FSBP: variants seen among roughly 807,000 people sequenced by gnomAD.
The protein encoded by FSBP is fibrinogen silencer binding protein.
In FSBP, 18 loss-of-function variants were observed where a neutral mutation model predicts 24.6. The observed-to-expected ratio is 0.73, with a 90% CI of 0.51 to 1.08. FSBP has a LOEUF of 1.08. FSBP is among the 50% of genes least tolerant of loss of function. FSBP has a pLI of 0.00. For missense variants in FSBP, 305 were observed against 347.6 expected, an observed-to-expected ratio of 0.88 and a Z score of 0.98; for synonymous variants, 110 against 125.8, an observed-to-expected ratio of 0.87 and a Z score of 0.84.
chr8:94,429,057 A>G lies in FSBP; in HGVS notation c.*3074T>C, dbSNP rs1343626254. ...TATGCATTTAAACTTTTGCAAATTA[A>G]AAGTAAACAAGACTGACTTGGAGAA... is the stretch of plus-strand genomic sequence containing the variant. On this transcript the variant is annotated 3_prime_UTR_variant, in exon 2 of 2. Coordinates refer to ENST00000481490, the MANE Select transcript of FSBP (RefSeq NM_001256141.2). 6.1e-6 allele frequency: 6 copies of G among 985,222 alleles called. No homozygotes were observed. Among genetic ancestry groups the G allele is most frequent in the Non-Finnish European group, 7.2e-6 (6 of 829,842 alleles). 61.0% of individuals were successfully genotyped at this position (985,222 alleles called of 1,614,324 possible).
Position 94,428,821 on chromosome 8 carries a change from G to C in FSBP, c.*3310C>G. On this transcript the variant is annotated 3_prime_UTR_variant, in exon 2 of 2. Coordinates refer to ENST00000481490, the MANE Select transcript of FSBP (RefSeq NM_001256141.2). ...AAAAACTGCTAATGTTAGTTGGTAA[G>C]TAGTCCCCTAACTCAAAAAAGTCTC... 4 of 984,836 alleles carry C rather than the reference G, an allele frequency of 4.1e-6. No individual in the cohort carries two copies. In the South Asian group the frequency reaches 1.4e-4, roughly 35 times the overall value. The allele number at this position is 984,836 out of a possible 1,614,324, so 61.0% of individuals were successfully genotyped here.
In FSBP at chr8:94,429,825, C is replaced by T. The variant is rs906472922; in HGVS notation, c.*2306G>A. On this transcript the variant is annotated 3_prime_UTR_variant, in exon 2 of 2. Transcript: ENST00000481490. ...AATCCAACCAATGAAATTAAGTAGT[C>T]AACATGCTAAAATAGTACCTTGAGT... The T allele has an allele frequency of 5.1e-6, 5 of 985,216 alleles. No individual in the cohort carries two copies. The African/African-American group carries it at 8.7e-5, about 17-fold the overall frequency. 61.0% of individuals were successfully genotyped at this position (985,216 alleles called of 1,614,324 possible).
chr8:94,432,299 C>T lies in FSBP; in HGVS notation c.732G>A (p.Gln244=). 1 of 1,550,264 alleles carries T rather than the reference C, an allele frequency of 6.5e-7. No homozygotes were observed. ...AATTTTTTTGATTTTCTAAAATTAT[C>T]TGATGCTCCTCTTTCAACATTTGCA... ...QILQMLKEEH[Q]IILENQKNFG... Residue 244 remains glutamine (Q), a synonymous_variant, in exon 2 of 2, where the codon CAG becomes CAA. Coordinates refer to ENST00000481490, the MANE Select transcript of FSBP (RefSeq NM_001256141.2).
chr8:94,430,388 A>G lies in FSBP; in HGVS notation c.*1743T>C. 2 of 985,076 alleles carry G rather than the reference A, an allele frequency of 2.0e-6. No individual in the cohort carries two copies. Among genetic ancestry groups the G allele is most frequent in the Non-Finnish European group, 2.4e-6 (2 of 829,808 alleles). 61.0% of individuals were successfully genotyped at this position (985,076 alleles called of 1,614,324 possible). On this transcript the variant is annotated 3_prime_UTR_variant, in exon 2 of 2. Transcript: ENST00000481490. Reference sequence around the variant, plus strand: ...CATCCAAATTTATATCCCTCAGTTCACTTTCAACTACTCTTCGACAAAAAT... The same window carrying G: ...CATCCAAATTTATATCCCTCAGTTCGCTTTCAACTACTCTTCGACAAAAAT...
chr8:94,432,986 C>T (rs1295573824), intron 1 of FSBP, among the ~76,000 whole-genome samples: 1 of 152,054 alleles, frequency 6.6e-6, no homozygotes, highest in Non-Finnish European at 1.5e-5. Context: ...TTTCCCACAA[C>T]CCTAAGGTTT....
In FSBP at chr8:94,436,875, T is replaced by C; in HGVS notation, c.-7A>G. The C allele has an allele frequency of 1.3e-6, 2 of 1,504,078 alleles. No individual in the cohort carries two copies. The highest frequency in any genetic ancestry group is 2.3e-5 in the Admixed American group (1 of 42,714). 93.2% of individuals were successfully genotyped at this position (1,504,078 alleles called of 1,614,324 possible). ...ATCTAGCCTTTCCTACCATTGTTCT[T>C]TTCAAATTAAGTAGGCAGTTTCTGA... is the stretch of plus-strand genomic sequence containing the variant. On this transcript the variant is annotated 5_prime_UTR_variant, in exon 1 of 2. Transcript: ENST00000481490.
At chr8:94,433,648 T>C (rs1032523121) in intron 1 of FSBP, among the ~76,000 whole-genome samples, 2 of 151,954 alleles carry the variant, frequency 1.3e-5, no homozygotes, top group African/African-American at 4.8e-5. Flanking sequence ...TTTATAAACA[T>C]AATTTTATGT....
rs887814872 is a variant in FSBP, at chr8:94,436,490, C to T, written c.374+5G>A. Reference sequence around the variant, plus strand: ...TTTTCCATAACAAAACAAAATAAAGCTTACCTTTGTATGTGGTTCCTGTCT... The same window carrying T: ...TTTTCCATAACAAAACAAAATAAAGTTTACCTTTGTATGTGGTTCCTGTCT... On this transcript the variant is annotated splice_donor_5th_base_variant and intron_variant, in intron 1 of 1. Transcript: ENST00000481490. 4.6e-6 allele frequency: 7 copies of T among 1,534,674 alleles called. No homozygotes were observed. Among genetic ancestry groups the T allele is most frequent in the Non-Finnish European group, 5.3e-6 (6 of 1,141,616 alleles).
Position 94,428,835 on chromosome 8 carries a change from C to G in FSBP, c.*3296G>C. 2.0e-6 allele frequency: 2 copies of G among 983,994 alleles called. No homozygotes were observed. Among genetic ancestry groups the G allele is most frequent in the Non-Finnish European group, 2.4e-6 (2 of 829,552 alleles). The allele number at this position is 983,994 out of a possible 1,614,324, so 61.0% of individuals were successfully genotyped here. Reference sequence around the variant, plus strand: ...TTAGTTGGTAAGTAGTCCCCTAACTCAAAAAAGTCTCAATACAAAAAAGAA... The same window carrying G: ...TTAGTTGGTAAGTAGTCCCCTAACTGAAAAAAGTCTCAATACAAAAAAGAA... On this transcript the variant is annotated 3_prime_UTR_variant, in exon 2 of 2. Transcript: ENST00000481490.
chr8:94,430,032 G>A lies in FSBP; in HGVS notation c.*2099C>T. Reference sequence around the variant, plus strand: ...TCTGACTCATTAAAAATAGTATTTAGGCTGGGCACGGTGGCTCAAGCCTGT... The same window carrying A: ...TCTGACTCATTAAAAATAGTATTTAAGCTGGGCACGGTGGCTCAAGCCTGT... On this transcript the variant is annotated 3_prime_UTR_variant, in exon 2 of 2. Transcript: ENST00000481490. 1.0e-6 allele frequency: 1 copy of A among 985,248 alleles called. No homozygotes were observed. The highest frequency in any genetic ancestry group is 1.2e-6 in the Non-Finnish European group (1 of 829,928). The allele number at this position is 985,248 out of a possible 1,614,324, so 61.0% of individuals were successfully genotyped here.
Position 94,430,252 on chromosome 8 carries a change from A to C in FSBP, c.*1879T>G, listed in dbSNP as rs1812056212. 3.7e-6 allele frequency: 3 copies of C among 813,470 alleles called. No homozygotes were observed. The highest frequency in any genetic ancestry group is 1.9e-5 in the African/African-American group (1 of 53,366). The allele number at this position is 813,470 out of a possible 1,614,324, so 50.4% of individuals were successfully genotyped here. ...CTTGAACCCAGGAAACGGAGATTGC[A>C]GTGAGCCAACATCGCACCACTGCAC... On this transcript the variant is annotated 3_prime_UTR_variant, in exon 2 of 2. Transcript: ENST00000481490.
Position 94,430,041 on chromosome 8 carries a change from C to T in FSBP, c.*2090G>A, listed in dbSNP as rs1812047778. ...TTAAAAATAGTATTTAGGCTGGGCA[C>T]GGTGGCTCAAGCCTGTAATCCCAGC... On this transcript the variant is annotated 3_prime_UTR_variant, in exon 2 of 2. Coordinates refer to ENST00000481490, the MANE Select transcript of FSBP (RefSeq NM_001256141.2). 8 of 984,860 alleles carry T rather than the reference C, an allele frequency of 8.1e-6. No individual in the cohort carries two copies. Among genetic ancestry groups the T allele is most frequent in the East Asian group, 1.1e-4 (1 of 8,822 alleles). 61.0% of individuals were successfully genotyped at this position (984,860 alleles called of 1,614,324 possible). A position where few individuals can be genotyped will look rare whatever the true frequency, so the allele number is the denominator to read the frequency against.
Position 94,431,081 on chromosome 8 carries a change from G to C in FSBP, c.*1050C>G, listed in dbSNP as rs904906616. ...AAAATCCCTTCTCAACAAAACCCCA[G>C]CAAAAATAGAAATTCTTAAGTAACA... On this transcript the variant is annotated 3_prime_UTR_variant, in exon 2 of 2. Coordinates refer to ENST00000481490, the MANE Select transcript of FSBP (RefSeq NM_001256141.2). 1 of 984,632 alleles carries C rather than the reference G, an allele frequency of 1.0e-6. No individual in the cohort carries two copies. The highest frequency in any genetic ancestry group is 1.8e-5 in the African/African-American group (1 of 57,022). 61.0% of individuals were successfully genotyped at this position (984,632 alleles called of 1,614,324 possible).
intron 1 of FSBP, among the ~76,000 whole-genome samples, chr8:94,433,516 A>G (rs1209562546): frequency 6.6e-6 from 1 of 152,106 alleles, no homozygotes; most frequent in Non-Finnish European, 1.5e-5. Flanking sequence ...AGGTTTATTA[A>G]ATTTACACAT....
In FSBP at chr8:94,432,162, C is replaced by T. The variant is rs765600713; in HGVS notation, c.869G>A (p.Arg290Gln). Residue 290 changes from arginine (R) to glutamine (Q), a missense_variant, in exon 2 of 2, where the codon CGG becomes CAG. Coordinates refer to ENST00000481490, the MANE Select transcript of FSBP (RefSeq NM_001256141.2). ...ACTGTTATATTCAGGTAGATCATGC[C>T]GTAAGCGAATTGCTTTCAGCTTCTC... ...EVEKLKAIRL[R>Q]HDLPEYNSL is the part of the protein sequence containing the mutation. 2.9e-5 allele frequency: 45 copies of T among 1,549,868 alleles called. 1 individual carries two copies. Among genetic ancestry groups the T allele is most frequent in the South Asian group, 4.8e-5 (4 of 84,026 alleles).
Position 94,432,390 on chromosome 8 carries a change from T to C in FSBP, c.641A>G (p.Asp214Gly), listed in dbSNP as rs1035075997. ...ACCACTCTCATGCCGAAAAAAATCA[T>C]CTCTCCTTGGAATAGAAGATGGAGA... Reference protein sequence around the residue: ...TSSPSSIPRRDDFFRHESGEH... With the variant: ...TSSPSSIPRRGDFFRHESGEH... Residue 214 changes from aspartate (D) to glycine (G), a missense_variant, in exon 2 of 2, where the codon GAT (aspartate) becomes GGT (glycine). Transcript: ENST00000481490. The C allele has an allele frequency of 1.9e-6, 3 of 1,550,404 alleles. No homozygotes were observed. Among genetic ancestry groups the C allele is most frequent in the South Asian group, 1.2e-5 (1 of 84,050 alleles).
In FSBP at chr8:94,431,647, T is replaced by C; in HGVS notation, c.*484A>G. The C allele has an allele frequency of 1.5e-5, 14 of 958,232 alleles. No homozygotes were observed. Among genetic ancestry groups the C allele is most frequent in the Middle Eastern group, 5.4e-4 (1 of 1,852 alleles). The allele number at this position is 958,232 out of a possible 1,614,324, so 59.4% of individuals were successfully genotyped here. A position where few individuals can be genotyped will look rare whatever the true frequency, so the allele number is the denominator to read the frequency against. On this transcript the variant is annotated 3_prime_UTR_variant, in exon 2 of 2. Transcript: ENST00000481490. Reference sequence around the variant, plus strand: ...ATGGAAAAAAAGTGTTCTCCAAATATCTTCCATCTCTAAAATCCTAGGATT... The same window carrying C: ...ATGGAAAAAAAGTGTTCTCCAAATACCTTCCATCTCTAAAATCCTAGGATT...
chr8:94,433,060 G>C (rs1471671383), intron 1 of FSBP, among the ~76,000 whole-genome samples: 2 of 152,028 alleles, frequency 1.3e-5, no homozygotes, highest in Non-Finnish European at 2.9e-5. Context: ...CTTAGCCCTA[G>C]ACCTCAGGCT....
At chr8:94,436,394 T>C in intron 1 of FSBP, 101 bp downstream of exon 1, 3 of 1,345,188 alleles carry the variant, frequency 2.2e-6, no homozygotes, top group South Asian at 1.6e-5. Flanking sequence ...ATTGCTCCCG[T>C]TGTGGGGATG....
Sources: allele counts gnomAD v4.1 joint callset (sites outside exome capture counted in the v4.1 genomes callset), GRCh38; gene constraint gnomAD v4.1.1; transcripts MANE v1.5; gene names NCBI Gene and HGNC (gene_info 2026-07-23, HGNC 2026-07-21).